Variants in CBFA2T3 observed in about 807,000 individuals in gnomAD.
The protein encoded by CBFA2T3 is transcriptional corepressor CBFA2T3.
Under a neutral mutation model 58.6 loss-of-function variants are expected in CBFA2T3, and 31 were observed. The ratio of observed to expected loss-of-function variants is 0.53; its 90% CI spans 0.40 to 0.71. The LOEUF is 0.71. Among genes scored for constraint, CBFA2T3 ranks in the 30% least tolerant of loss-of-function variants. The pLI, the probability that CBFA2T3 is intolerant of heterozygous loss-of-function variation, is 0.00. For missense variants in CBFA2T3, 1,076 were observed against 963.1 expected, an observed-to-expected ratio of 1.12 and a Z score of -1.55; for synonymous variants, 531 against 421.9, an observed-to-expected ratio of 1.26 and a Z score of -3.17.
intron 1 of CBFA2T3, among the ~76,000 whole-genome samples, chr16:88,944,044 A>G (rs118163012): frequency 0.021 from 3,232 of 152,240 alleles, 52 homozygotes; most frequent in Non-Finnish European, 0.022. Flanking sequence ...TTCACTTAAA[A>G]GAAACCACCA....
intron 9 of CBFA2T3, 118 bp downstream of exon 9, chr16:88,881,173 T>C: frequency 2.1e-6 from 2 of 957,204 alleles, no homozygotes; most frequent in Non-Finnish European, 3.3e-6. Context: ...AGGTGCCTCT[T>C]TCTCAAGCGA....
chr16:88,972,635 C>A (rs1428332713), intron 1 of CBFA2T3, among the ~76,000 whole-genome samples: 12 of 152,236 alleles, frequency 7.9e-5, no homozygotes, highest in Admixed American at 6.5e-4. Context: ...GATTTCACAG[C>A]AGCAAGATCC....
intron 2 of CBFA2T3, 49 bp from the exon 3 acceptor site, chr16:88,898,201 A>G (rs1897035220): frequency 2.1e-6 from 3 of 1,435,860 alleles, no homozygotes; most frequent in South Asian, 1.1e-5. Context: ...CGTGGGCAGG[A>G]GACTCTGCCC....
chr16:88,880,651 G>A (rs1180098076), intron 10 of CBFA2T3, 69 bp downstream of exon 10: 23 of 1,296,984 alleles, frequency 1.8e-5, no homozygotes, highest in South Asian at 2.5e-5. Context: ...AAGCTGAGCC[G>A]GTGAGAGGCG....
At chr16:88,890,503 C>T (rs555029080) in intron 5 of CBFA2T3, among the ~76,000 whole-genome samples, 54 of 152,330 alleles carry the variant, frequency 3.5e-4, no homozygotes, top group African/African-American at 1.1e-3. Context: ...CTCCACGGAA[C>T]CCTGACCCCA....
At chr16:88,975,120 GGCCCTCTGCTCCTGACCTGCAGCC>G (rs1567643746) in intron 1 of CBFA2T3, among the ~76,000 whole-genome samples, 46 of 108,080 alleles carry the variant, frequency 4.3e-4, no homozygotes, top group South Asian at 2.2e-3. Flanking sequence ...AGGCCACCCT[GGCCCTCTGCTCCTGACCTGCAGCC>G]ATGTCAGAGG....
chr16:88,897,072 G>A (rs1377016362), intron 3 of CBFA2T3, among the ~76,000 whole-genome samples: 1 of 152,252 alleles, frequency 6.6e-6, no homozygotes, highest in African/African-American at 2.4e-5. Context: ...CCTTGGTGGG[G>A]GGGTCAGATG....
At chr16:88,881,066 C>A (rs1185166598) in intron 9 of CBFA2T3, 5 of 708,376 alleles carry the variant, frequency 7.1e-6, no homozygotes, top group Non-Finnish European at 1.0e-5. Context: ...GAAGCAGAGA[C>A]CCTCAGGGCC....
At chr16:88,965,537 G>T (rs993911239) in intron 1 of CBFA2T3, among the ~76,000 whole-genome samples, 3 of 152,244 alleles carry the variant, frequency 2.0e-5, no homozygotes, top group African/African-American at 7.2e-5. Flanking sequence ...AGGGGGCTAG[G>T]TCCCTGCGGG....
At chr16:88,901,261 C>T (rs1362174029) in intron 2 of CBFA2T3, among the ~76,000 whole-genome samples, 1 of 152,192 alleles carries the variant, frequency 6.6e-6, no homozygotes, top group Non-Finnish European at 1.5e-5. Context: ...GGAGGACCTG[C>T]ATTGCAGAAG....
At chr16:88,937,775 C>CA (rs1971554782) in intron 1 of CBFA2T3, 1 of 152,270 alleles carries the variant, frequency 6.6e-6, no homozygotes, top group Non-Finnish European at 1.5e-5. Context: ...AATACTTGCC[C>CA]AGGGAATGAG....
chr16:88,896,661 C>G (rs1033684048), intron 3 of CBFA2T3, among the ~76,000 whole-genome samples: 2 of 152,214 alleles, frequency 1.3e-5, no homozygotes, highest in African/African-American at 4.8e-5. Flanking sequence ...TGGCCCGTCA[C>G]CATGGGAGAC....
intron 5 of CBFA2T3, 143 bp from the exon 6 acceptor site, chr16:88,886,285 G>A (rs918548221): frequency 9.8e-6 from 5 of 509,058 alleles, no homozygotes; most frequent in Non-Finnish European, 1.7e-5. Context: ...ACCTCTCTGG[G>A]CCTCAAGTTC....
intron 1 of CBFA2T3, among the ~76,000 whole-genome samples, chr16:88,913,532 G>A (rs1027519758): frequency 2.0e-4 from 31 of 152,184 alleles, no homozygotes; most frequent in African/African-American, 7.5e-4. Context: ...CTGGTGAGAG[G>A]GAGGCTGGGA....
chr16:88,885,303 G>A lies in CBFA2T3; in HGVS notation c.894-34C>T. ...AAGAGCAGGTGGGGCGAGGGCAGTG[G>A]ACATAGGATGAACCGGGGACAGAGG... On this transcript the variant is annotated intron_variant, in intron 6 of 11. Coordinates refer to ENST00000268679, the MANE Select transcript of CBFA2T3 (RefSeq NM_005187.6). The surrounding 1 kb of genome is among the most constrained non-coding windows in gnomAD (Gnocchi z 5.3). The A allele has an allele frequency of 2.1e-6, 3 of 1,442,914 alleles. No individual in the cohort carries two copies. Among genetic ancestry groups the A allele is most frequent in the Non-Finnish European group, 2.8e-6 (3 of 1,077,270 alleles). The allele number at this position is 1,442,914 out of a possible 1,614,324, so 89.4% of individuals were successfully genotyped here. A position where few individuals can be genotyped will look rare whatever the true frequency, so the allele number is the denominator to read the frequency against.
intron 1 of CBFA2T3, among the ~76,000 whole-genome samples, chr16:88,923,809 G>A (rs1397610142): frequency 6.6e-6 from 1 of 152,182 alleles, no homozygotes; most frequent in Non-Finnish European, 1.5e-5. Flanking sequence ...GAGGCTCTGG[G>A]AAAGACCAGA....
At chr16:88,909,039 C>G (rs8058234) in intron 1 of CBFA2T3, among the ~76,000 whole-genome samples, 57,730 of 152,142 alleles carry the variant, frequency 0.38, 11,369 homozygotes, top group Middle Eastern at 0.47. Context: ...CTCTGCCCTT[C>G]CTGGAGCTGA....
At chr16:88,957,541 A>ACCTGTCCT (rs1344216586) in intron 1 of CBFA2T3, 1 of 152,152 alleles carries the variant, frequency 6.6e-6, no homozygotes, top group East Asian at 1.9e-4. Context: ...TGACCCCCAC[A>ACCTGTCCT]CCTGTCCTCA....
chr16:88,913,099 G>A (rs556800660), intron 1 of CBFA2T3, among the ~76,000 whole-genome samples: 1 of 152,370 alleles, frequency 6.6e-6, no homozygotes, highest in Non-Finnish European at 1.5e-5. Flanking sequence ...CTGCCCCCTG[G>A]ATCTGGGCTG....
Sources: gnomAD v4.1 joint callset for allele counts (sites outside exome capture counted in the v4.1 genomes callset) on GRCh38, gnomAD v4.1.1 for gene constraint, Gnocchi (gnomAD v3.1) non-coding constraint, MANE v1.5 for transcripts, NCBI Gene and HGNC (gene_info 2026-07-23, HGNC 2026-07-21) for gene names.